ARMC9: variants seen among roughly 807,000 people sequenced by gnomAD.
ARMC9 encodes the protein armadillo repeat containing 9, also known as lisH domain-containing protein ARMC9.
A neutral mutation model predicts 107.0 loss-of-function variants in ARMC9; 94 were observed. That is an observed-to-expected ratio of 0.88 (90% CI 0.74 to 1.04). ARMC9 has a LOEUF of 1.04. Among genes scored for constraint, ARMC9 ranks in the 50% least tolerant of loss-of-function variants. The pLI is 0.00. For synonymous variants in ARMC9, 380 were observed against 396.9 expected (o/e 0.96, Z 0.51); for missense variants, 942 against 1,030.1 (o/e 0.91, Z 1.17).
chr2:231,259,144 A>G, intron 11 of ARMC9, 42 bp downstream of exon 11: 1 of 1,515,230 alleles, frequency 6.6e-7, no homozygotes, highest in Non-Finnish European at 9.1e-7. Context: ...AAACCAAACC[A>G]GTGCTGGTTT....
chr2:231,328,990 G>T (rs1459926956), intron 19 of ARMC9, among the ~76,000 whole-genome samples: 1 of 150,778 alleles, frequency 6.6e-6, no homozygotes, highest in Non-Finnish European at 1.5e-5. Flanking sequence ...ACTTTTTTTT[G>T]TATTTTTTAG....
intron 15 of ARMC9, 26 bp downstream of exon 15, chr2:231,276,801 T>G: frequency 6.2e-7 from 1 of 1,612,174 alleles, no homozygotes; most frequent in Non-Finnish European, 8.5e-7. Context: ...CTCATTCTAG[T>G]GCAAGAAGGG....
intron 13 of ARMC9, among the ~76,000 whole-genome samples, chr2:231,272,677 A>G (rs972791641): frequency 2.0e-5 from 3 of 151,672 alleles, no homozygotes; most frequent in African/African-American, 7.3e-5. Flanking sequence ...CACCACACCC[A>G]GCTAATTTTT....
chr2:231,205,224 C>A (rs2031784586), intron 1 of ARMC9, among the ~76,000 whole-genome samples: 1 of 151,244 alleles, frequency 6.6e-6, no homozygotes, highest in Non-Finnish European at 1.5e-5. Flanking sequence ...AAAAAAATTA[C>A]CTGGGTATGG....
At chr2:231,235,182 G>A (rs770676060) in intron 7 of ARMC9, 42 bp from the exon 8 acceptor site, 54 of 1,574,936 alleles carry the variant, frequency 3.4e-5, no homozygotes, top group Non-Finnish European at 4.6e-5. Context: ...TTTTCATATT[G>A]TGGATTTTTA....
At chr2:231,271,115 T>C (rs1413377191) in intron 13 of ARMC9, 43 bp downstream of exon 13, 1 of 1,586,826 alleles carries the variant, frequency 6.3e-7, no homozygotes, top group South Asian at 1.1e-5. Flanking sequence ...CTAGGTCATA[T>C]TGATGTGCTT....
chr2:231,212,909 T>G (rs1356636237), intron 3 of ARMC9, among the ~76,000 whole-genome samples: 1 of 151,994 alleles, frequency 6.6e-6, no homozygotes, highest in Non-Finnish European at 1.5e-5. Context: ...ACTTGAAATG[T>G]AACTGGCACC....
chr2:231,279,910 G>A (rs148329946), intron 16 of ARMC9, among the ~76,000 whole-genome samples: 5 of 152,280 alleles, frequency 3.3e-5, no homozygotes, highest in Non-Finnish European at 5.9e-5. Flanking sequence ...TTAGCAAGTG[G>A]ATGTTTGGTG....
intron 3 of ARMC9, among the ~76,000 whole-genome samples, chr2:231,210,516 G>T (rs928588820): frequency 1.3e-5 from 2 of 152,178 alleles, no homozygotes; most frequent in African/African-American, 2.4e-5. Context: ...CATTTGAGAG[G>T]AATATAGCAA....
intron 7 of ARMC9, among the ~76,000 whole-genome samples, chr2:231,230,816 A>T (rs766870479): frequency 1.4e-4 from 21 of 152,190 alleles, no homozygotes; most frequent in Non-Finnish European, 2.6e-4. Context: ...CATGAAAATG[A>T]TATGAAAAAA....
chr2:231,277,672 C>T (rs879268800), intron 15 of ARMC9, among the ~76,000 whole-genome samples: 1 of 151,596 alleles, frequency 6.6e-6, no homozygotes, highest in Non-Finnish European at 1.5e-5. Context: ...AAGCGATTCT[C>T]CTGCCTCAGC....
chr2:231,264,254 C>T (rs2125417296), intron 12 of ARMC9, among the ~76,000 whole-genome samples: 1 of 152,334 alleles, frequency 6.6e-6, no homozygotes, highest in East Asian at 1.9e-4. Context: ...TCTCAGCTCA[C>T]TGCAACCTCT....
rs765256445 is a variant in ARMC9 at position 231,240,053 on chromosome 2, C to T, written c.879+12C>T. The T allele has an allele frequency of 1.4e-5, 22 of 1,606,662 alleles. No homozygotes were observed. Among genetic ancestry groups the T allele is most frequent in the East Asian group, 1.1e-4 (5 of 44,674 alleles). On this transcript the variant is annotated intron_variant, in intron 9 of 24. Transcript: ENST00000611582. ...CGAGGCCTGGGACGGTGAGGCTCTG[C>T]GCTCAGGGCAGGGTGCCCGTGGTCT...
intron 7 of ARMC9, among the ~76,000 whole-genome samples, chr2:231,232,483 C>T (rs1172869259): frequency 6.7e-6 from 1 of 149,518 alleles, no homozygotes; most frequent in African/African-American, 2.5e-5. Flanking sequence ...CGGAGTTTCG[C>T]TCTTGTTGCC....
chr2:231,227,551 T>A (rs1306161460), intron 7 of ARMC9, among the ~76,000 whole-genome samples: 1 of 152,228 alleles, frequency 6.6e-6, no homozygotes, highest in African/African-American at 2.4e-5. Flanking sequence ...CATTTGCCCT[T>A]TCAAAGCAGA....
At position 231,297,180 on chromosome 2, in the gene ARMC9, GC is replaced by G. The variant is rs2041431016; in HGVS notation, c.1773+929del. 2.6e-5 allele frequency among the ~76,000 whole-genome samples: 4 copies of G among 152,210 alleles called. No homozygotes were observed. Among genetic ancestry groups the G allele is most frequent in the Admixed American group, 2.6e-4 (4 of 15,282 alleles). The stretch of plus-strand genomic sequence containing the variant: ...CTGGGAGATGCTTCCTCAGCAGGCG[GC>G]CTCTGTGGCTGCCGTTTTCTTCACA... On this transcript the variant is annotated intron_variant, in intron 19 of 24. Coordinates refer to ENST00000611582, the MANE Select transcript of ARMC9 (RefSeq NM_001352754.2). This position sits in a 1 kb window ranked among gnomAD's most constrained non-coding sequence, Gnocchi z 4.2.
At chr2:231,205,138 C>T (rs574271377) in intron 1 of ARMC9, among the ~76,000 whole-genome samples, 7 of 149,746 alleles carry the variant, frequency 4.7e-5, no homozygotes, top group East Asian at 3.9e-4. Flanking sequence ...GAGGCCAAGG[C>T]GGGAGGATTG....
At chr2:231,332,710 G>T (rs530608932) in intron 20 of ARMC9, among the ~76,000 whole-genome samples, 1 of 152,204 alleles carries the variant, frequency 6.6e-6, no homozygotes. Context: ...AGGTAGGGGG[G>T]CCTGGTGGGA....
At chr2:231,306,996 T>C (rs918934704) in intron 19 of ARMC9, among the ~76,000 whole-genome samples, 4 of 152,218 alleles carry the variant, frequency 2.6e-5, no homozygotes, top group African/African-American at 9.6e-5. Context: ...GGCTGGATCA[T>C]TGAGTTCCTC....
Sources: gnomAD v4.1 joint callset for allele counts (sites outside exome capture counted in the v4.1 genomes callset) on GRCh38, gnomAD v4.1.1 for gene constraint, Gnocchi (gnomAD v3.1) non-coding constraint, MANE v1.5 for transcripts, NCBI Gene and HGNC (gene_info 2026-07-23, HGNC 2026-07-21) for gene names.